ATF7IP: variants seen among roughly 807,000 people sequenced by gnomAD.
ATF7IP encodes activating transcription factor 7-interacting protein 1.
Under a neutral mutation model 106.4 loss-of-function variants are expected in ATF7IP, and 23 were observed. That is an observed-to-expected ratio of 0.22 (90% CI 0.16 to 0.31). The LOEUF (loss-of-function observed/expected upper bound fraction) is 0.31. Ranked by LOEUF, ATF7IP falls within the 10% of genes least tolerant of loss-of-function variation. ATF7IP has a pLI of 1.00. For missense variants in ATF7IP, 1,334 were observed against 1,524.3 expected (o/e 0.88, Z 2.08); for synonymous variants, 542 against 539.0 (o/e 1.01, Z -0.08).
intron 2 of ATF7IP, among the ~76,000 whole-genome samples, chr12:14,429,213 A>T (rs149534330): frequency 6.6e-6 from 1 of 152,264 alleles, no homozygotes; most frequent in East Asian, 1.9e-4. Context: ...ATTGATGATC[A>T]TGTTATTAAA....
chr12:14,464,795 T>C (rs1317736491), intron 9 of ATF7IP, among the ~76,000 whole-genome samples: 2 of 152,238 alleles, frequency 1.3e-5, no homozygotes, highest in Non-Finnish European at 1.5e-5. Context: ...AACATAGCTC[T>C]GAGGCAATTA....
chr12:14,396,476 G>A (rs1366798845), intron 1 of ATF7IP, among the ~76,000 whole-genome samples: 3 of 151,812 alleles, frequency 2.0e-5, no homozygotes, highest in African/African-American at 4.8e-5. Flanking sequence ...GTATAGAAAC[G>A]TAACTTTTTT....
chr12:14,482,845 A>G (rs1944473005), intron 13 of ATF7IP, among the ~76,000 whole-genome samples: 1 of 152,196 alleles, frequency 6.6e-6, no homozygotes, highest in Non-Finnish European at 1.5e-5. Context: ...ATAAGGCCAT[A>G]ATTAAACCTA....
chr12:14,417,701 A>T (rs540980799), intron 1 of ATF7IP, among the ~76,000 whole-genome samples: 7 of 152,198 alleles, frequency 4.6e-5, no homozygotes, highest in Non-Finnish European at 1.0e-4. Context: ...AAAGATGTAA[A>T]TCTTATCCAT....
intron 1 of ATF7IP, among the ~76,000 whole-genome samples, chr12:14,388,836 T>A (rs1258308122): frequency 2.0e-5 from 3 of 151,966 alleles, no homozygotes; most frequent in Non-Finnish European, 4.4e-5. Flanking sequence ...GACGGGGTTT[T>A]ATCATGTTGG....
intron 10 of ATF7IP, among the ~76,000 whole-genome samples, chr12:14,469,551 A>G (rs576899061): frequency 2.6e-5 from 4 of 152,116 alleles, no homozygotes; most frequent in Admixed American, 6.6e-5. Flanking sequence ...TTATTACTAT[A>G]TATCATTTTA....
chr12:14,461,019 T>C lies in ATF7IP; in HGVS notation c.2683T>C (p.Ser895Pro). 1 of 1,614,132 alleles carries C rather than the reference T, an allele frequency of 6.2e-7. No homozygotes were observed. The highest frequency in any genetic ancestry group is 8.5e-7 in the Non-Finnish European group (1 of 1,180,022). Residue 895 changes from serine (S) to proline (P), a missense_variant, in exon 9 of 15, where the codon TCA becomes CCA. Physicochemically the swap from Ser to Pro is moderately conservative, Grantham distance 74 (BLOSUM62 -1). Transcript: ENST00000261168. ...TRTSLPTVGP[S>P]GLYSPSTNRG... ...GACTTCTTTACCCACAGTGGGCCCA[T>C]CAGGACTCTATAGTCCATCAACTAA...
At chr12:14,469,719 A>G (rs1025621941) in intron 10 of ATF7IP, among the ~76,000 whole-genome samples, 1 of 152,176 alleles carries the variant, frequency 6.6e-6, no homozygotes, top group Admixed American at 6.5e-5. Context: ...ACCCAGTAGT[A>G]GGTTATACTC....
At chr12:14,396,422 A>G (rs1441013126) in intron 1 of ATF7IP, among the ~76,000 whole-genome samples, 1 of 152,016 alleles carries the variant, frequency 6.6e-6, no homozygotes, top group Non-Finnish European at 1.5e-5. Flanking sequence ...GCCTTTTGAC[A>G]GTGTTGCTTG....
At chr12:14,366,433 A>T (rs569815539) in intron 1 of ATF7IP, among the ~76,000 whole-genome samples, 1 of 152,136 alleles carries the variant, frequency 6.6e-6, no homozygotes, top group Non-Finnish European at 1.5e-5. Context: ...TCTGTTATGG[A>T]TGTGTGGAAT....
chr12:14,487,125 C>CT (rs35870394), intron 13 of ATF7IP, among the ~76,000 whole-genome samples: 68,406 of 150,946 alleles, frequency 0.45, 15,777 homozygotes, highest in Admixed American at 0.55. Flanking sequence ...CTATTAGAAC[C>CT]TTTTTTTTTA....
rs745695821 is a variant in ATF7IP, at chr12:14,502,538, T to TTTTTG, written c.*4482_*4486dup. The TTTTTG allele has an allele frequency of 6.6e-5, 10 of 152,180 alleles. No individual in the cohort carries two copies. Among genetic ancestry groups the TTTTTG allele is most frequent in the East Asian group, 3.8e-4 (2 of 5,206 alleles). The allele number at this position is 152,180 out of a possible 1,614,324, so 9.4% of individuals were successfully genotyped here. ...TTTTTGAGGTCTTTGTTTTTGTCTG[T>TTTTTG]TTTTGTTTTGTTTTGTTTTGTAAAT... On this transcript the variant is annotated 3_prime_UTR_variant, in exon 15 of 15. Transcript: ENST00000261168.
At chr12:14,419,970 TAGA>T (rs966672863) in intron 1 of ATF7IP, 3 of 152,230 alleles carry the variant, frequency 2.0e-5, no homozygotes, top group Admixed American at 1.3e-4. Flanking sequence ...GACAAAGTGC[TAGA>T]ATCTCAAGCT....
chr12:14,366,259 AT>A (rs1377041943), intron 1 of ATF7IP, among the ~76,000 whole-genome samples: 12 of 152,110 alleles, frequency 7.9e-5, no homozygotes, highest in African/African-American at 2.9e-4. Flanking sequence ...TGTAAAAATG[AT>A]TTTCATTTGT....
At chr12:14,446,007 G>A (rs1942938060) in intron 5 of ATF7IP, among the ~76,000 whole-genome samples, 1 of 152,030 alleles carries the variant, frequency 6.6e-6, no homozygotes, top group Admixed American at 6.6e-5. Context: ...TTTTCTTTTT[G>A]TTCTGCTTTT....
chr12:14,449,305 TG>T (rs1943105684), intron 6 of ATF7IP, among the ~76,000 whole-genome samples: 1 of 152,206 alleles, frequency 6.6e-6, no homozygotes, highest in South Asian at 2.1e-4. Flanking sequence ...TAGTCAATTT[TG>T]AGTTAATTTT....
chr12:14,465,300 A>G (rs11055987), intron 9 of ATF7IP, among the ~76,000 whole-genome samples: 2,880 of 152,196 alleles, frequency 0.019, 53 homozygotes, highest in Middle Eastern at 0.065. Flanking sequence ...ATGTAAAGTT[A>G]TCTTTTATTT....
chr12:14,387,181 A>C (rs892057469), intron 1 of ATF7IP, among the ~76,000 whole-genome samples: 2 of 152,154 alleles, frequency 1.3e-5, no homozygotes, highest in African/African-American at 4.8e-5. Context: ...ATTTATGTAA[A>C]TCATTCAGTC....
intron 10 of ATF7IP, among the ~76,000 whole-genome samples, chr12:14,469,886 CAT>C (rs1423714814): frequency 6.6e-6 from 1 of 152,192 alleles, no homozygotes; most frequent in Non-Finnish European, 1.5e-5. Context: ...ACCTTAGAGA[CAT>C]GTGCCAAGAG....
Sources: allele counts gnomAD v4.1 joint callset (sites outside exome capture counted in the v4.1 genomes callset), GRCh38; gene constraint gnomAD v4.1.1; transcripts MANE v1.5; gene names NCBI Gene and HGNC (gene_info 2026-07-23, HGNC 2026-07-21).